HECW2: variants seen among roughly 807,000 people sequenced by gnomAD.
HECW2 encodes the protein HECT, C2 and WW domain containing E3 ubiquitin protein ligase 2.
HECW2 carries 61 observed loss-of-function variants against 175.2 expected under a neutral mutation model. The ratio of observed to expected loss-of-function variants is 0.35; its 90% confidence interval spans 0.28 to 0.43. HECW2 has a LOEUF of 0.43. Ranked by LOEUF, HECW2 falls within the 20% of genes least tolerant of loss-of-function variation. The pLI is 1.00. For missense variants in HECW2, 1,524 were observed against 2,000.5 expected (o/e 0.76, Z 4.54); for synonymous variants, 671 against 731.0 (o/e 0.92, Z 1.32).
chr2:196,500,177 G>A (rs772200395), intron 1 of HECW2, among the ~76,000 whole-genome samples: 1 of 152,050 alleles, frequency 6.6e-6, no homozygotes, highest in Non-Finnish European at 1.5e-5. Flanking sequence ...AGAATCAAAT[G>A]AGATGATATA....
Position 196,199,360 on chromosome 2 carries a change from TC to T in HECW2, c.*1916del, listed in dbSNP as rs1483337099. The T allele has an allele frequency of 6.6e-6, 1 of 152,618 alleles. No homozygotes were observed. The highest frequency in any genetic ancestry group is 1.5e-5 in the Non-Finnish European group (1 of 68,022). The allele number at this position is 152,618 out of a possible 1,614,324, so 9.5% of individuals were successfully genotyped here. On this transcript the variant is annotated 3_prime_UTR_variant, in exon 29 of 29. Transcript: ENST00000644978. ...CCAATTATAGAATACAGAGAGCTCT[TC>T]CTTTCTTATTTCCAGATTTCTATAA...
chr2:196,424,418 TAG>T (rs1197592815), intron 2 of HECW2, among the ~76,000 whole-genome samples: 3 of 152,068 alleles, frequency 2.0e-5, no homozygotes, highest in African/African-American at 7.2e-5. Context: ...TGATTAAACT[TAG>T]AGAGGAAGGC....
At chr2:196,496,344 T>C (rs1342226188) in intron 1 of HECW2, among the ~76,000 whole-genome samples, 3 of 152,120 alleles carry the variant, frequency 2.0e-5, no homozygotes, top group African/African-American at 7.2e-5. Flanking sequence ...ATTTTCTTTT[T>C]ACTAATCACA....
At chr2:196,498,167 A>G (rs1337371262) in intron 1 of HECW2, among the ~76,000 whole-genome samples, 1 of 152,136 alleles carries the variant, frequency 6.6e-6, no homozygotes, top group Non-Finnish European at 1.5e-5. Flanking sequence ...ATCTTGGACT[A>G]CAAGAGATAA....
At chr2:196,331,482 C>T (rs928345073) in intron 4 of HECW2, among the ~76,000 whole-genome samples, 32 of 152,210 alleles carry the variant, frequency 2.1e-4, no homozygotes, top group African/African-American at 6.3e-4. Context: ...ATGGGCCACA[C>T]GCCCCAGTAA....
rs565950385 is a variant in HECW2, at chr2:196,242,073, CTT to C, written c.3650+9_3650+10del. ...TCTATACATTATGTGGTTTGTGTCA[CTT>C]TGACTTACTTTAACTTCCCTGGGCC... On this transcript the variant is annotated intron_variant, in intron 20 of 28. Coordinates refer to ENST00000644978, the MANE Select transcript of HECW2 (RefSeq NM_001348768.2). The C allele has an allele frequency of 2.2e-4, 353 of 1,613,768 alleles. No homozygotes were observed. The African/African-American group carries it at 4.3e-3, about 20-fold the overall frequency.
chr2:196,394,156 G>T (rs924436989), intron 2 of HECW2, among the ~76,000 whole-genome samples: 38 of 151,822 alleles, frequency 2.5e-4, no homozygotes, highest in African/African-American at 8.7e-4. Context: ...CGGGGGTGAG[G>T]GGGGAGAGGG....
intron 2 of HECW2, among the ~76,000 whole-genome samples, chr2:196,396,143 C>T (rs1694656013): frequency 6.6e-6 from 1 of 152,118 alleles, no homozygotes; most frequent in Non-Finnish European, 1.5e-5. Flanking sequence ...TATGATTCCA[C>T]ATACATGAGG....
chr2:196,512,216 T>C (rs80321301), intron 1 of HECW2, among the ~76,000 whole-genome samples: 1 of 152,182 alleles, frequency 6.6e-6, no homozygotes, highest in African/African-American at 2.4e-5. Flanking sequence ...ACATAAGAGA[T>C]TTTCAAAAGA....
At chr2:196,422,469 C>T (rs1342579672) in intron 2 of HECW2, among the ~76,000 whole-genome samples, 2 of 152,028 alleles carry the variant, frequency 1.3e-5, no homozygotes, top group Non-Finnish European at 2.9e-5. Context: ...GTCCAGATGG[C>T]ATAATGATAA....
At chr2:196,418,213 C>A (rs1432046383) in intron 2 of HECW2, among the ~76,000 whole-genome samples, 1 of 152,012 alleles carries the variant, frequency 6.6e-6, no homozygotes, top group Non-Finnish European at 1.5e-5. Flanking sequence ...ACTGCAAGCT[C>A]TGCCTCCCGG....
chr2:196,314,455 C>T (rs1691615671), intron 10 of HECW2, among the ~76,000 whole-genome samples: 1 of 152,206 alleles, frequency 6.6e-6, no homozygotes. Flanking sequence ...TAGGCCCTTC[C>T]CTTCCAATCT....
chr2:196,334,241 T>A (rs376378883), intron 4 of HECW2, among the ~76,000 whole-genome samples, 183 bp downstream of exon 4: 30 of 152,324 alleles, frequency 2.0e-4, no homozygotes, highest in East Asian at 1.5e-3. Flanking sequence ...TTTCCACTGA[T>A]TCGAATTAGG....
intron 1 of HECW2, among the ~76,000 whole-genome samples, chr2:196,531,629 T>A (rs1688843010): frequency 6.8e-6 from 1 of 146,228 alleles, no homozygotes; most frequent in Admixed American, 6.8e-5. Flanking sequence ...ACCACTGCAG[T>A]CCAGCCCAGG....
intron 1 of HECW2, among the ~76,000 whole-genome samples, chr2:196,483,833 A>G (rs1035096744): frequency 6.6e-6 from 1 of 152,246 alleles, no homozygotes; most frequent in Non-Finnish European, 1.5e-5. Context: ...GACTTTAAAA[A>G]TACATCAGCC....
At chr2:196,456,750 T>C (rs77441562) in intron 1 of HECW2, among the ~76,000 whole-genome samples, 3,715 of 152,310 alleles carry the variant, frequency 0.024, 160 homozygotes, top group African/African-American at 0.084. Context: ...ACTCCGGATT[T>C]ACTTTTTTAC....
intron 1 of HECW2, among the ~76,000 whole-genome samples, chr2:196,491,137 G>T (rs1005548933): frequency 1.3e-5 from 2 of 151,964 alleles, no homozygotes; most frequent in Admixed American, 1.3e-4. Flanking sequence ...TGTAAGAAAA[G>T]TGTGAGTACA....
chr2:196,315,936 T>C (rs564761791), intron 10 of HECW2: 2 of 152,308 alleles, frequency 1.3e-5, no homozygotes, highest in East Asian at 3.9e-4. Flanking sequence ...TACATAAAAA[T>C]AAAGCTCTCC....
intron 2 of HECW2, among the ~76,000 whole-genome samples, chr2:196,363,286 GA>G (rs1693651197): frequency 6.6e-6 from 1 of 152,046 alleles, no homozygotes; most frequent in Admixed American, 6.6e-5. Flanking sequence ...AGTATCAAAT[GA>G]GTGTCACTGT....
Sources: allele counts gnomAD v4.1 joint callset (sites outside exome capture counted in the v4.1 genomes callset), GRCh38; gene constraint gnomAD v4.1.1; transcripts MANE v1.5; gene names NCBI Gene and HGNC (gene_info 2026-07-23, HGNC 2026-07-21).